The following CLIC4 variants were observed in gnomAD, a reference collection of about 807,000 sequenced individuals.
CLIC4 encodes the protein chloride intracellular channel protein 4.
Under a neutral mutation model 24.6 loss-of-function variants are expected in CLIC4, and 13 were observed. That is an observed-to-expected ratio of 0.53 (90% CI 0.34 to 0.84). The LOEUF (loss-of-function observed/expected upper bound fraction) is 0.84, where lower values mean the gene tolerates loss of function less well. Among genes scored for constraint, CLIC4 ranks in the 40% least tolerant of loss-of-function variants. The pLI is 0.01. For missense variants in CLIC4, 227 were observed against 301.7 expected (o/e 0.75, Z 1.83); for synonymous variants, 104 against 111.3 (o/e 0.93, Z 0.41).
At chr1:24,808,200 C>T (rs1639573245) in intron 2 of CLIC4, among the ~76,000 whole-genome samples, 1 of 152,132 alleles carries the variant, frequency 6.6e-6, no homozygotes, top group Admixed American at 6.5e-5. Context: ...CCCGCCTTGG[C>T]CTGCCAAGGT....
chr1:24,761,213 T>C (rs1255357608), intron 1 of CLIC4, among the ~76,000 whole-genome samples: 1 of 152,148 alleles, frequency 6.6e-6, no homozygotes, highest in Non-Finnish European at 1.5e-5. Flanking sequence ...AGGAGTTTAG[T>C]TTTTTGACGT....
At chr1:24,747,883 A>C (rs1215695028) in intron 1 of CLIC4, among the ~76,000 whole-genome samples, 1 of 151,696 alleles carries the variant, frequency 6.6e-6, no homozygotes, top group East Asian at 2.0e-4. Flanking sequence ...AAAAATAGAA[A>C]AATTAGCCAG....
intron 3 of CLIC4, among the ~76,000 whole-genome samples, chr1:24,822,244 C>G (rs926594386): frequency 6.6e-6 from 1 of 150,458 alleles, no homozygotes; most frequent in African/African-American, 2.4e-5. Flanking sequence ...AAAGCTAGCT[C>G]AAGTTTAGAG....
intron 1 of CLIC4, among the ~76,000 whole-genome samples, chr1:24,788,325 A>C (rs1323234432): frequency 6.6e-6 from 1 of 152,176 alleles, no homozygotes; most frequent in African/African-American, 2.4e-5. Flanking sequence ...TCATCACCTC[A>C]AAAAGAAACC....
chr1:24,840,143 A>G, intron 5 of CLIC4, 102 bp downstream of exon 5: 1 of 1,139,744 alleles, frequency 8.8e-7, no homozygotes. Flanking sequence ...TTATATGACT[A>G]GTTGTTTAAC....
At chr1:24,799,519 G>T (rs1395263556) in intron 2 of CLIC4, among the ~76,000 whole-genome samples, 1 of 151,560 alleles carries the variant, frequency 6.6e-6, no homozygotes, top group Non-Finnish European at 1.5e-5. Context: ...GAAGTGAGGA[G>T]CGTCTCCGCC....
At chr1:24,804,655 T>C (rs1256548052) in intron 2 of CLIC4, among the ~76,000 whole-genome samples, 1 of 151,988 alleles carries the variant, frequency 6.6e-6, no homozygotes, top group East Asian at 1.9e-4. Context: ...TGCTATGTCT[T>C]TATGTTCTTT....
chr1:24,813,095 G>A (rs1639632002), intron 2 of CLIC4, among the ~76,000 whole-genome samples: 1 of 147,672 alleles, frequency 6.8e-6, no homozygotes, highest in South Asian at 2.1e-4. Flanking sequence ...CCAGGCTGGA[G>A]TGCTGTGGTG....
intron 1 of CLIC4, among the ~76,000 whole-genome samples, chr1:24,796,264 G>C (rs756121559): frequency 6.6e-6 from 1 of 152,060 alleles, no homozygotes; most frequent in Non-Finnish European, 1.5e-5. Flanking sequence ...TGTCGGCTCA[G>C]TAAAATCTCT....
chr1:24,837,048 TGA>T (rs1470176269), intron 4 of CLIC4, among the ~76,000 whole-genome samples: 2 of 151,982 alleles, frequency 1.3e-5, no homozygotes, highest in African/African-American at 4.8e-5. Context: ...TAAATATTGG[TGA>T]AGTAAAAGTT....
intron 4 of CLIC4, among the ~76,000 whole-genome samples, chr1:24,828,756 A>G (rs934722756): frequency 6.6e-6 from 1 of 152,008 alleles, no homozygotes; most frequent in African/African-American, 2.4e-5. Flanking sequence ...TTTGTATTCT[A>G]TTTTTTCCCT....
intron 1 of CLIC4, among the ~76,000 whole-genome samples, chr1:24,756,198 A>G (rs867896296): frequency 6.6e-6 from 1 of 152,000 alleles, no homozygotes; most frequent in Non-Finnish European, 1.5e-5. Context: ...ACGGGGTTTC[A>G]CCGTGTTAGC....
Position 24,839,451 on chromosome 1 carries a change from C to T in CLIC4, c.416-409C>T, listed in dbSNP as rs530097592. Among the ~76,000 whole-genome samples, 43 of 152,322 alleles carry T rather than the reference C, an allele frequency of 2.8e-4. No homozygotes were observed. In the East Asian group the frequency reaches 6.9e-3, roughly 25 times the overall value. On this transcript the variant is annotated intron_variant, in intron 4 of 5. Coordinates refer to ENST00000374379, the MANE Select transcript of CLIC4 (RefSeq NM_013943.3). Reference sequence around the variant, plus strand: ...AGTAGCTGGGACTACAGGCGCCCGCCACCACGCCCGGCTAATTTTTTGTAT... The same window carrying T: ...AGTAGCTGGGACTACAGGCGCCCGCTACCACGCCCGGCTAATTTTTTGTAT...
At chr1:24,784,293 T>C (rs1050908245) in intron 1 of CLIC4, among the ~76,000 whole-genome samples, 1 of 152,194 alleles carries the variant, frequency 6.6e-6, no homozygotes, top group African/African-American at 2.4e-5. Context: ...CTCCCAACTA[T>C]CCAATGAGGT....
At position 24,748,492 on chromosome 1, in the gene CLIC4, G is replaced by GTTTT. The variant is rs1360200160; in HGVS notation, c.72+2870_72+2873dup. On this transcript the variant is annotated intron_variant, in intron 1 of 5. Transcript: ENST00000374379. Reference sequence around the variant, plus strand: ...CAAACTTTGCACTGATACAGATCAGGTTTTTTGTTTTTTTTTTTTTTTTTT... The same window carrying GTTTT: ...CAAACTTTGCACTGATACAGATCAGGTTTTTTTTTTGTTTTTTTTTTTTTTTTTT... Among the ~76,000 whole-genome samples, 52 of 63,188 alleles carry GTTTT rather than the reference G, an allele frequency of 8.2e-4. 1 individual carries two copies. Among genetic ancestry groups the GTTTT allele is most frequent in the African/African-American group, 1.3e-3 (26 of 20,590 alleles). The allele number at this position is 63,188 out of a possible 152,430, so 41.5% of individuals were successfully genotyped here. A position where few individuals can be genotyped will look rare whatever the true frequency, so the allele number is the denominator to read the frequency against.
chr1:24,748,168 C>T (rs922398799), intron 1 of CLIC4, among the ~76,000 whole-genome samples: 1 of 152,142 alleles, frequency 6.6e-6, no homozygotes, highest in Non-Finnish European at 1.5e-5. Context: ...GCCCTGCTTA[C>T]TATTAATTTC....
intron 1 of CLIC4, among the ~76,000 whole-genome samples, chr1:24,787,069 G>A (rs939074489): frequency 1.3e-5 from 2 of 152,094 alleles, no homozygotes; most frequent in African/African-American, 4.8e-5. Flanking sequence ...CCACAGGCAT[G>A]AGCCACCACA....
chr1:24,760,239 G>C (rs993933840), intron 1 of CLIC4, among the ~76,000 whole-genome samples: 4 of 151,954 alleles, frequency 2.6e-5, no homozygotes, highest in Non-Finnish European at 5.9e-5. Context: ...GGTGGCGGGT[G>C]CCTGTAATTT....
chr1:24,817,607 G>C (rs1012981069), intron 3 of CLIC4, among the ~76,000 whole-genome samples: 3 of 152,154 alleles, frequency 2.0e-5, no homozygotes, highest in Non-Finnish European at 2.9e-5. Context: ...TCTATCATTT[G>C]TGTGTTCACT....
Sources: gnomAD v4.1 joint callset for allele counts (sites outside exome capture counted in the v4.1 genomes callset) on GRCh38, gnomAD v4.1.1 for gene constraint, MANE v1.5 for transcripts, NCBI Gene and HGNC (gene_info 2026-07-23, HGNC 2026-07-21) for gene names.